The following UQCC1 variants were observed in gnomAD, a reference collection of about 807,000 sequenced individuals.
UQCC1 encodes the protein bFGF-repressed Zic-binding protein.
In UQCC1, 38 loss-of-function variants were observed where a neutral mutation model predicts 48.0. That is an observed-to-expected ratio of 0.79 (90% CI 0.61 to 1.04). The LOEUF (loss-of-function observed/expected upper bound fraction) is 1.04, where lower values mean the gene tolerates loss of function less well. Among genes scored for constraint, UQCC1 ranks in the 50% least tolerant of loss-of-function variants. UQCC1 has a pLI of 0.00. For synonymous variants in UQCC1, 111 were observed against 129.2 expected (o/e 0.86, Z 0.95); for missense variants, 368 against 381.8 (o/e 0.96, Z 0.30).
chr20:35,314,137 G>A (rs1169347938), intron 8 of UQCC1, among the ~76,000 whole-genome samples: 1 of 151,436 alleles, frequency 6.6e-6, no homozygotes, highest in Non-Finnish European at 1.5e-5. Context: ...GCTAAGTTTT[G>A]CATTTTTAGT....
chr20:35,386,762 C>T (rs752447313), intron 2 of UQCC1, among the ~76,000 whole-genome samples: 191 of 152,068 alleles, frequency 1.3e-3, no homozygotes, highest in Non-Finnish European at 2.1e-3. Context: ...GCTGTCCTAC[C>T]ATCTACTGTA....
rs560438255 is a variant in UQCC1 at position 35,338,656 on chromosome 20, G to T, written c.573+8508C>A. Among the ~76,000 whole-genome samples, 26 of 150,904 alleles carry T rather than the reference G, an allele frequency of 1.7e-4. 1 individual carries two copies. The highest frequency in any genetic ancestry group is 6.1e-4 in the African/African-American group (25 of 40,892). ...AGGTCAGGAGTTTGAGACCCACCTG[G>T]CCAACATGCTGAAACCCCGTCTCTA... On this transcript the variant is annotated intron_variant, in intron 7 of 9. Coordinates refer to ENST00000374385, the MANE Select transcript of UQCC1 (RefSeq NM_018244.5).
At chr20:35,323,929 A>G (rs541642459) in intron 7 of UQCC1, among the ~76,000 whole-genome samples, 33 of 152,338 alleles carry the variant, frequency 2.2e-4, no homozygotes, top group Admixed American at 3.3e-4. Context: ...TTCTGAGAGT[A>G]CAAACAACCA....
intron 8 of UQCC1, among the ~76,000 whole-genome samples, chr20:35,310,509 G>T (rs2060977727): frequency 6.6e-6 from 1 of 151,484 alleles, no homozygotes; most frequent in South Asian, 2.1e-4. Flanking sequence ...AGTCAAGCAT[G>T]GTGGCGCCTG....
At chr20:35,338,914 G>GC (rs2061348233) in intron 7 of UQCC1, among the ~76,000 whole-genome samples, 1 of 34,178 alleles carries the variant, frequency 2.9e-5, no homozygotes, top group Admixed American at 2.7e-4. Flanking sequence ...TATATGGAGA[G>GC]ATTTTTCAAA....
At chr20:35,310,610 C>T (rs2060979153) in intron 8 of UQCC1, among the ~76,000 whole-genome samples, 1 of 132,076 alleles carries the variant, frequency 7.6e-6, no homozygotes, top group African/African-American at 2.9e-5. Context: ...TGTGCCACTG[C>T]ACTCCAGCCT....
intron 1 of UQCC1, among the ~76,000 whole-genome samples, chr20:35,409,849 A>C (rs1395986148): frequency 6.6e-6 from 1 of 152,034 alleles, no homozygotes; most frequent in African/African-American, 2.4e-5. Flanking sequence ...TCTTTCACCC[A>C]GGCTGGACTG....
chr20:35,382,447 C>T (rs1374133732), intron 3 of UQCC1, among the ~76,000 whole-genome samples: 1 of 149,818 alleles, frequency 6.7e-6, no homozygotes, highest in Non-Finnish European at 1.5e-5. Flanking sequence ...GGGCTGAGGG[C>T]ATTTTTATTG....
intron 7 of UQCC1, among the ~76,000 whole-genome samples, chr20:35,324,256 C>A (rs1315709689): frequency 1.3e-5 from 2 of 152,182 alleles, no homozygotes; most frequent in Non-Finnish European, 2.9e-5. Flanking sequence ...CCTTTGTTTG[C>A]TTAAATTAGC....
At chr20:35,337,932 A>G (rs1456753146) in intron 7 of UQCC1, among the ~76,000 whole-genome samples, 2 of 151,328 alleles carry the variant, frequency 1.3e-5, no homozygotes, top group Non-Finnish European at 2.9e-5. Context: ...TCCTGAATTC[A>G]TTTATTGGCT....
At chr20:35,385,150 C>T (rs376248045) in intron 2 of UQCC1, among the ~76,000 whole-genome samples, 3 of 152,000 alleles carry the variant, frequency 2.0e-5, no homozygotes, top group South Asian at 2.1e-4. Context: ...CTGTCGCCTA[C>T]GACAAGCTCA....
chr20:35,377,143 G>C (rs1454948015), intron 4 of UQCC1, among the ~76,000 whole-genome samples: 1 of 152,048 alleles, frequency 6.6e-6, no homozygotes, highest in African/African-American at 2.4e-5. Context: ...TAGCCTTCAT[G>C]AACATAGATC....
intron 3 of UQCC1, 118 bp downstream of exon 3, chr20:35,383,920 C>A (rs536061271): frequency 3.9e-6 from 3 of 771,766 alleles, no homozygotes; most frequent in East Asian, 2.9e-5. Context: ...GTCACTTTAC[C>A]CCCTGAGCCT....
At chr20:35,321,542 A>G (rs1450196747) in intron 7 of UQCC1, among the ~76,000 whole-genome samples, 2 of 152,176 alleles carry the variant, frequency 1.3e-5, no homozygotes, top group African/African-American at 4.8e-5. Context: ...GCTTGCTATG[A>G]TGACATGCTG....
chr20:35,341,365 G>A (rs1380250361), intron 7 of UQCC1, among the ~76,000 whole-genome samples: 1 of 152,084 alleles, frequency 6.6e-6, no homozygotes, highest in African/African-American at 2.4e-5. Context: ...TTGATGGTGG[G>A]GGAAACGATT....
intron 8 of UQCC1, among the ~76,000 whole-genome samples, chr20:35,309,471 A>G (rs747401785): frequency 9.2e-5 from 14 of 152,042 alleles, no homozygotes; most frequent in Non-Finnish European, 1.6e-4. Flanking sequence ...ATCAACGAAC[A>G]CAACTTCAGC....
chr20:35,331,175 T>G (rs926424278), intron 7 of UQCC1, among the ~76,000 whole-genome samples: 3 of 152,034 alleles, frequency 2.0e-5, no homozygotes, highest in African/African-American at 7.2e-5. Context: ...AGGAATCATC[T>G]CCTACTTGCC....
At chr20:35,378,532 A>C (rs2061829364) in intron 4 of UQCC1, among the ~76,000 whole-genome samples, 1 of 152,166 alleles carries the variant, frequency 6.6e-6, no homozygotes, top group Admixed American at 6.5e-5. Context: ...CGGGAGGCTG[A>C]GGCAGGAGAA....
intron 4 of UQCC1, among the ~76,000 whole-genome samples, chr20:35,374,743 G>T: frequency 6.6e-6 from 1 of 152,002 alleles, no homozygotes; most frequent in Middle Eastern, 3.2e-3. Flanking sequence ...CTTTTTTCCA[G>T]ATCTTTAATT....
Sources: gnomAD v4.1 joint callset for allele counts (sites outside exome capture counted in the v4.1 genomes callset) on GRCh38, gnomAD v4.1.1 for gene constraint, MANE v1.5 for transcripts, NCBI Gene and HGNC (gene_info 2026-07-23, HGNC 2026-07-21) for gene names.